The following GPHN variants were observed in gnomAD, a reference collection of about 807,000 sequenced individuals.
The protein encoded by GPHN is gephyrin.
GPHN carries 17 observed loss-of-function variants against 95.5 expected under a neutral mutation model. The observed-to-expected ratio is 0.18, with a 90% CI of 0.12 to 0.27. The LOEUF is 0.27. GPHN is among the 10% of genes least tolerant of loss of function. The pLI is 1.00. For missense variants in GPHN, 660 were observed against 978.1 expected (o/e 0.67, Z 4.34); for synonymous variants, 320 against 322.5 (o/e 0.99, Z 0.08).
At chr14:67,390,164 A>AT in the GPHN span, among the ~76,000 whole-genome samples, 65 of 152,072 alleles carry the variant, frequency 4.3e-4, no homozygotes, top group Non-Finnish European at 7.2e-4. Context: ...CATAAAAATG[A>AT]TTTTTTTTTA....
chr14:67,563,440 GT>G, the GPHN span, among the ~76,000 whole-genome samples: 908 of 151,024 alleles, frequency 6.0e-3, 10 homozygotes, highest in African/African-American at 0.021. Flanking sequence ...TTTTTGGGGG[GT>G]GGGGGTGAGG....
the GPHN span, among the ~76,000 whole-genome samples, chr14:67,446,376 T>C: frequency 1.3e-5 from 2 of 152,324 alleles, no homozygotes; most frequent in Middle Eastern, 3.4e-3. Context: ...ACTATGAGTG[T>C]TGAATAAAGG....
At chr14:66,673,610 A>G (rs1438140058) in intron 1 of GPHN, among the ~76,000 whole-genome samples, 2 of 152,222 alleles carry the variant, frequency 1.3e-5, no homozygotes, top group African/African-American at 4.8e-5. Context: ...TGCTATTATT[A>G]TTTTGAACAA....
At chr14:66,835,660 G>A (rs1475931814) in intron 4 of GPHN, among the ~76,000 whole-genome samples, 5 of 152,092 alleles carry the variant, frequency 3.3e-5, no homozygotes, top group South Asian at 2.1e-4. Context: ...CAAATTGTCC[G>A]TGTCTGCAGA....
At chr14:67,408,605 C>T in the GPHN span, among the ~76,000 whole-genome samples, 5 of 152,032 alleles carry the variant, frequency 3.3e-5, no homozygotes, top group East Asian at 1.9e-4. Flanking sequence ...AGGATGGTCA[C>T]GTGACAACAG....
chr14:66,855,312 C>T (rs778258940), intron 4 of GPHN, among the ~76,000 whole-genome samples: 4 of 152,094 alleles, frequency 2.6e-5, no homozygotes, highest in African/African-American at 7.2e-5. Flanking sequence ...CCCTGGTAAC[C>T]TTTAATCTAC....
At chr14:66,583,298 T>C (rs2061275549) in intron 1 of GPHN, among the ~76,000 whole-genome samples, 1 of 152,222 alleles carries the variant, frequency 6.6e-6, no homozygotes, top group African/African-American at 2.4e-5. Flanking sequence ...CTTTGTCAGA[T>C]AAGCAGGTTG....
intron 3 of GPHN, among the ~76,000 whole-genome samples, chr14:66,788,256 C>A (rs2059851354): frequency 6.6e-6 from 1 of 152,152 alleles, no homozygotes; most frequent in Non-Finnish European, 1.5e-5. Context: ...TTGCAGTGAG[C>A]CAAAATGGCA....
chr14:67,083,563 A>G (rs1226696964), intron 11 of GPHN, among the ~76,000 whole-genome samples: 1 of 152,228 alleles, frequency 6.6e-6, no homozygotes, highest in Non-Finnish European at 1.5e-5. Context: ...GTATTTCTTT[A>G]TAGCAGTGCA....
At chr14:66,746,608 T>G (rs2058160407) in intron 2 of GPHN, among the ~76,000 whole-genome samples, 1 of 150,274 alleles carries the variant, frequency 6.7e-6, no homozygotes, top group African/African-American at 2.5e-5. Context: ...AAAACAACTT[T>G]ATGTAGTTGC....
the GPHN span, chr14:67,653,548 T>C: frequency 2.0e-6 from 3 of 1,490,066 alleles, no homozygotes; most frequent in Non-Finnish European, 2.8e-6. Context: ...GTATACTCTG[T>C]ACAATTGAAT....
intron 4 of GPHN, among the ~76,000 whole-genome samples, chr14:66,833,786 C>A (rs1489308461): frequency 1.3e-5 from 2 of 152,020 alleles, no homozygotes; most frequent in African/African-American, 2.4e-5. Context: ...TGTCTGGAAA[C>A]CTTTTCAGTC....
At chr14:67,111,993 A>G (rs2078403832) in intron 15 of GPHN, 74 bp downstream of exon 15, 11 of 1,112,150 alleles carry the variant, frequency 9.9e-6, no homozygotes, top group Admixed American at 1.7e-5. Context: ...AACCCTGGCT[A>G]CTATAAATCT....
intron 11 of GPHN, among the ~76,000 whole-genome samples, chr14:67,084,315 C>T (rs1433247391): frequency 6.6e-6 from 1 of 151,988 alleles, no homozygotes; most frequent in Non-Finnish European, 1.5e-5. Flanking sequence ...CTTAAAAATC[C>T]CTTATTGGAT....
At chr14:66,787,778 A>T (rs975984219) in intron 3 of GPHN, among the ~76,000 whole-genome samples, 2 of 152,042 alleles carry the variant, frequency 1.3e-5, no homozygotes, top group Non-Finnish European at 1.5e-5. Flanking sequence ...CAGGCAAAAA[A>T]AAAAAGAATC....
chr14:67,302,477 A>G, the GPHN span: 1 of 1,600,176 alleles, frequency 6.2e-7, no homozygotes, highest in Non-Finnish European at 8.5e-7. Flanking sequence ...GGTGCTGCAG[A>G]GAAAAGTGGT....
the GPHN span, chr14:67,189,285 ACACTTCCTCTCAGGGGCAGACCTG>A: frequency 6.6e-6 from 1 of 152,142 alleles, no homozygotes; most frequent in Admixed American, 6.5e-5. Context: ...AATGCTGACC[ACACTTCCTCTCAGGGGCAGACCTG>A]CACGGCTGCT....
intron 3 of GPHN, among the ~76,000 whole-genome samples, chr14:66,807,536 A>C (rs569751831): frequency 2.0e-5 from 3 of 152,192 alleles, no homozygotes; most frequent in South Asian, 2.1e-4. Flanking sequence ...CGTGAATGCT[A>C]TAAACTCACT....
intron 9 of GPHN, among the ~76,000 whole-genome samples, chr14:67,015,237 T>C (rs1298032127): frequency 6.6e-6 from 1 of 152,192 alleles, no homozygotes; most frequent in Non-Finnish European, 1.5e-5. Context: ...AGGAAGTGTT[T>C]TTCACATTAA....
Sources: gnomAD v4.1 joint callset for allele counts (sites outside exome capture counted in the v4.1 genomes callset) on GRCh38, gnomAD v4.1.1 for gene constraint, MANE v1.5 for transcripts, NCBI Gene and HGNC (gene_info 2026-07-23, HGNC 2026-07-21) for gene names.